ZNF138: variants seen among roughly 807,000 people sequenced by gnomAD.
ZNF138 encodes the protein zinc finger protein 138.
ZNF138 carries 33 observed loss-of-function variants against 33.0 expected under a neutral mutation model. That is an observed-to-expected ratio of 1.00 (90% CI 0.76 to 1.34). The LOEUF is 1.34. Among genes scored for constraint, ZNF138 ranks in the 40% most tolerant of loss-of-function variants. The pLI is 0.00. For missense variants in ZNF138, 360 were observed against 370.8 expected, an observed-to-expected ratio of 0.97 and a Z score of 0.24; for synonymous variants, 139 against 120.4, an observed-to-expected ratio of 1.15 and a Z score of -1.01.
chr7:64,834,749 GTTTAA>G (rs759717888), downstream of ZNF138, among the ~76,000 whole-genome samples: 190 of 152,146 alleles, frequency 1.2e-3, 3 homozygotes, highest in African/African-American at 5.1e-4. Flanking sequence ...GGCTCTTTGT[GTTTAA>G]TTTATAATAT....
intron 3 of ZNF138, among the ~76,000 whole-genome samples, chr7:64,827,102 C>A (rs1477824314): frequency 1.0e-5 from 1 of 96,556 alleles, no homozygotes; most frequent in Non-Finnish European, 2.0e-5. Flanking sequence ...ATAAGGGACT[C>A]ATTTTAGCAT....
In ZNF138 at chr7:64,815,047, G is replaced by T. The variant is rs1329494344; in HGVS notation, c.130+3G>T. The T allele has an allele frequency of 6.3e-7, 1 of 1,597,986 alleles. No individual in the cohort carries two copies. The highest frequency in any genetic ancestry group is 8.5e-7 in the Non-Finnish European group (1 of 1,173,046). On this transcript the variant is annotated splice_donor_region_variant and intron_variant, in intron 2 of 3. Transcript: ENST00000307355. ...CTACAGAAACCTGGTTTTCTTGGGT[G>T]AGAATAACTTCAGTACACATTTCCT...
At chr7:64,826,671 TCA>T (rs1450437189) in intron 3 of ZNF138, among the ~76,000 whole-genome samples, 2 of 151,942 alleles carry the variant, frequency 1.3e-5, no homozygotes, top group Admixed American at 6.6e-5. Flanking sequence ...TTCACTGTCT[TCA>T]CAGAGTTTCA....
chr7:64,850,576 G>C, the ZNF138 span, among the ~76,000 whole-genome samples: 15 of 152,040 alleles, frequency 9.9e-5, no homozygotes, highest in Non-Finnish European at 1.6e-4. Flanking sequence ...TTGGATGAGA[G>C]GGTGTTGGGC....
chr7:64,821,055 T>TG (rs1789098271), intron 3 of ZNF138, among the ~76,000 whole-genome samples: 2 of 5,996 alleles, frequency 3.3e-4, no homozygotes, highest in African/African-American at 4.8e-4. Context: ...GTTTTGTTTT[T>TG]GGTTTTTTTG....
chr7:64,794,433 G>C lies in ZNF138; in HGVS notation c.-136G>C. On this transcript the variant is annotated 5_prime_UTR_variant, in exon 1 of 4. Transcript: ENST00000307355. ...CGGGAGGCGGCGGGGTCTTTGTCTC[G>C]CTGCAGCGGGTGCTGCAGGTCTGGC... 7.6e-6 allele frequency: 10 copies of C among 1,322,908 alleles called. No homozygotes were observed. Among genetic ancestry groups the C allele is most frequent in the East Asian group, 2.5e-5 (1 of 39,568 alleles). 81.9% of individuals were successfully genotyped at this position (1,322,908 alleles called of 1,614,324 possible).
At chr7:64,826,116 C>T (rs1054960572) in intron 3 of ZNF138, among the ~76,000 whole-genome samples, 11 of 152,048 alleles carry the variant, frequency 7.2e-5, no homozygotes, top group Non-Finnish European at 1.3e-4. Flanking sequence ...GGATTAATTT[C>T]TTCCTATTGA....
At chr7:64,825,631 C>T (rs1223292011) in intron 3 of ZNF138, among the ~76,000 whole-genome samples, 1 of 151,480 alleles carries the variant, frequency 6.6e-6, no homozygotes, top group Non-Finnish European at 1.5e-5. Context: ...CCTCTGCTTC[C>T]CGGGTTCAAG....
Position 64,831,740 on chromosome 7 carries a change from T to A in ZNF138, c.498T>A (p.His166Gln), listed in dbSNP as rs757110139. The A allele has an allele frequency of 6.2e-7, 1 of 1,613,582 alleles. No individual in the cohort carries two copies. The highest frequency in any genetic ancestry group is 2.2e-5 in the East Asian group (1 of 44,850). Residue 166 changes from histidine to glutamine, a missense_variant, in exon 4 of 4, where the codon CAT becomes CAA. By Grantham distance (24) the His-to-Gln change is conservative. Coordinates refer to ENST00000307355, the MANE Select transcript of ZNF138 (RefSeq NM_001271639.2). The part of the protein sequence containing the change: ...RHKIRHTENK[H>Q]FRCKECDKSL... Reference sequence around the variant, plus strand: ...AGATAAGACATACTGAAAATAAACATTTCAGATGTAAAGAATGTGACAAAT... The same window carrying A: ...AGATAAGACATACTGAAAATAAACAATTCAGATGTAAAGAATGTGACAAAT...
In ZNF138 at chr7:64,820,399, G is replaced by A. The variant is rs886411669; in HGVS notation, c.208+4746G>A. On this transcript the variant is annotated intron_variant, in intron 3 of 3. Transcript: ENST00000307355. ...TTAAGGCTGAATAAAATTCCATTTTGTGTATATGTTACATTTTTTGATGTG... is the reference window on the plus strand; with the variant it reads ...TTAAGGCTGAATAAAATTCCATTTTATGTATATGTTACATTTTTTGATGTG... Among the ~76,000 whole-genome samples the A allele has an allele frequency of 5.7e-4, 87 of 151,768 alleles. 4 individuals are homozygous for A. Among genetic ancestry groups the A allele is most frequent in the African/African-American group, 2.1e-3 (85 of 41,068 alleles).
intron 3 of ZNF138, among the ~76,000 whole-genome samples, chr7:64,819,813 G>A (rs1157153842): frequency 1.4e-5 from 2 of 147,334 alleles, no homozygotes; most frequent in African/African-American, 5.4e-5. Context: ...TGGCTTCCAT[G>A]TGTAATCTCA....
At chr7:64,804,582 G>C (rs1787424153) in intron 1 of ZNF138, among the ~76,000 whole-genome samples, 3 of 152,076 alleles carry the variant, frequency 2.0e-5, no homozygotes. Flanking sequence ...AGGAGTTCAA[G>C]ACCAGCCTGG....
chr7:64,806,668 C>T (rs1787623308), intron 1 of ZNF138, among the ~76,000 whole-genome samples: 1 of 152,176 alleles, frequency 6.6e-6, no homozygotes, highest in Non-Finnish European at 1.5e-5. Context: ...ATGTCTTTAT[C>T]CCTTCTTTGA....
chr7:64,827,389 C>T (rs1789723277), intron 3 of ZNF138, among the ~76,000 whole-genome samples: 1 of 152,042 alleles, frequency 6.6e-6, no homozygotes, highest in South Asian at 2.1e-4. Context: ...GGACTACAGG[C>T]ACCCGCCACC....
chr7:64,800,929 G>A (rs966376640), intron 1 of ZNF138, among the ~76,000 whole-genome samples: 6 of 152,036 alleles, frequency 3.9e-5, no homozygotes, highest in African/African-American at 1.4e-4. Context: ...TATTTTTCAG[G>A]AATGTACTAT....
chr7:64,831,960 A>C lies in ZNF138; in HGVS notation c.718A>C (p.Lys240Gln). 1 of 1,613,408 alleles carries C rather than the reference A, an allele frequency of 6.2e-7. No individual in the cohort carries two copies. Among genetic ancestry groups the C allele is most frequent in the Non-Finnish European group, 8.5e-7 (1 of 1,179,694 alleles). Reference protein sequence around the residue: ...KAFHQSSILTKHKIIRTGEKP... With the variant: ...KAFHQSSILTQHKIIRTGEKP... ...CTTTCACCAATCCTCAATCCTTACT[A>C]AACATAAGATAATTCGTACTGGAGA... The change falls in exon 4 of 4, where the codon AAA (lysine) becomes CAA (glutamine). Residue 240 changes from lysine to glutamine, a missense_variant. Physicochemically the swap from Lys to Gln is moderately conservative, Grantham distance 53. Transcript: ENST00000307355.
At chr7:64,821,292 TGTTAGCTAGGATG>T (rs1789127962) in intron 3 of ZNF138, among the ~76,000 whole-genome samples, 1 of 151,032 alleles carries the variant, frequency 6.6e-6, no homozygotes, top group African/African-American at 2.5e-5. Flanking sequence ...AGTTTCACTG[TGTTAGCTAGGATG>T]GTCTTGATCT....
the ZNF138 span, among the ~76,000 whole-genome samples, chr7:64,840,998 T>C: frequency 6.6e-6 from 1 of 152,136 alleles, no homozygotes; most frequent in South Asian, 2.1e-4. Context: ...ATCTATACTC[T>C]GCTTTTTTTT....
downstream of ZNF138, among the ~76,000 whole-genome samples, chr7:64,834,275 T>C (rs1384012559): frequency 6.6e-6 from 1 of 152,132 alleles, no homozygotes; most frequent in Non-Finnish European, 1.5e-5. Flanking sequence ...TACTAAACTA[T>C]ATTTTTCCAC....
Sources: gnomAD v4.1 joint callset for allele counts (sites outside exome capture counted in the v4.1 genomes callset) on GRCh38, gnomAD v4.1.1 for gene constraint, MANE v1.5 for transcripts, NCBI Gene and HGNC (gene_info 2026-07-23, HGNC 2026-07-21) for gene names.